The following EML4 variants were observed in gnomAD, a reference collection of about 807,000 sequenced individuals.
The protein encoded by EML4 is echinoderm microtubule-associated protein-like 4.
A neutral mutation model predicts 129.0 loss-of-function variants in EML4; 72 were observed. The observed-to-expected ratio is 0.56, with a 90% CI of 0.46 to 0.68. The LOEUF (loss-of-function observed/expected upper bound fraction) is 0.68. EML4 is among the 30% of genes least tolerant of loss of function. The pLI is 0.00. For missense variants in EML4, 1,363 were observed against 1,190.6 expected (o/e 1.14, Z -2.13); for synonymous variants, 532 against 405.0 (o/e 1.31, Z -3.77).
chr2:42,264,968 CA>C, intron 6 of EML4: 1 of 1,547,862 alleles, frequency 6.5e-7, no homozygotes, highest in Non-Finnish European at 8.7e-7. Flanking sequence ...ATAAGCTACG[CA>C]GTTGGTTGCC....
chr2:42,178,915 A>G (rs926229164), intron 1 of EML4, among the ~76,000 whole-genome samples: 1 of 152,218 alleles, frequency 6.6e-6, no homozygotes, highest in Non-Finnish European at 1.5e-5. Flanking sequence ...ATCCATTATA[A>G]TAAAGATTTG....
intron 1 of EML4, among the ~76,000 whole-genome samples, chr2:42,174,677 A>G (rs771663553): frequency 2.6e-5 from 4 of 152,188 alleles, no homozygotes; most frequent in Admixed American, 6.5e-5. Flanking sequence ...TGCATGCTGT[A>G]TATGATTTTT....
chr2:42,291,180 CAT>C (rs1350152406), intron 11 of EML4, among the ~76,000 whole-genome samples: 1 of 151,856 alleles, frequency 6.6e-6, no homozygotes, highest in Non-Finnish European at 1.5e-5. Flanking sequence ...ATTGGATACT[CAT>C]ATGAAAAAAA....
rs76587221 is a variant in EML4 at position 42,251,462 on chromosome 2, T to C, written c.209-5039T>C. Among the ~76,000 whole-genome samples the C allele has an allele frequency of 2.5e-3, 384 of 152,332 alleles. 2 individuals carry two copies. Among genetic ancestry groups the C allele is most frequent in the African/African-American group, 9.0e-3 (376 of 41,576 alleles). ...TTCTTTGTCACTTCCACTCAAAATA[T>C]ACTTTTAAGTAGTGGCCACAAGTTG... On this transcript the variant is annotated intron_variant, in intron 2 of 22. Coordinates refer to ENST00000318522, the MANE Select transcript of EML4 (RefSeq NM_019063.5).
chr2:42,317,381 T>C (rs1269009781), intron 18 of EML4, 46 bp from the exon 19 acceptor site: 2 of 1,188,150 alleles, frequency 1.7e-6, no homozygotes, highest in African/African-American at 1.5e-5. Context: ...AGTAAATAAA[T>C]TTATCAGTAT....
At chr2:42,299,729 G>C (rs1228395614) in intron 13 of EML4, among the ~76,000 whole-genome samples, 1 of 152,050 alleles carries the variant, frequency 6.6e-6, no homozygotes, top group African/African-American at 2.4e-5. Context: ...CACTCTTGTT[G>C]CCCAGGCTGG....
rs1240358593 is a variant in EML4 at position 42,330,149 on chromosome 2, A to C, written c.2888A>C (p.Lys963Thr). The change falls in exon 23 of 23, where the codon AAG (lysine) becomes ACG (threonine). Residue 963 changes from lysine (K) to threonine (T), a missense_variant. Lys to Thr is a moderately conservative substitution (Grantham distance 78, BLOSUM62 -1). Transcript: ENST00000318522. ...GAAGAGCCATGCAACGAGATAAGCA[A>C]GGAGCAGGCCAAAGCCACCCTTCTG... ...LYEEPCNEIS[K>T]EQAKATLLED... 1 of 1,612,040 alleles carries C rather than the reference A, an allele frequency of 6.2e-7. No homozygotes were observed. Among genetic ancestry groups the C allele is most frequent in the Non-Finnish European group, 8.5e-7 (1 of 1,179,696 alleles).
intron 17 of EML4, among the ~76,000 whole-genome samples, chr2:42,306,777 G>T (rs530245194): frequency 2.0e-5 from 3 of 151,894 alleles, no homozygotes; most frequent in Admixed American, 6.6e-5. Flanking sequence ...AGGATTACAG[G>T]TGTGAGCCAC....
intron 10 of EML4, among the ~76,000 whole-genome samples, chr2:42,287,327 C>T (rs76077737): frequency 0.012 from 1,773 of 152,260 alleles, 32 homozygotes; most frequent in African/African-American, 0.041. Context: ...AAAGGCAATA[C>T]TTTTGCTACT....
At chr2:42,282,423 C>G (rs933906167) in intron 7 of EML4, among the ~76,000 whole-genome samples, 4 of 152,034 alleles carry the variant, frequency 2.6e-5, no homozygotes, top group Non-Finnish European at 5.9e-5. Flanking sequence ...AACAGGGTCT[C>G]TGTGGCCCAG....
Position 42,304,558 on chromosome 2 carries a change from T to G in EML4, c.1967+7T>G, listed in dbSNP as rs764584855. On this transcript the variant is annotated splice_region_variant and intron_variant, in intron 17 of 22. Transcript: ENST00000318522. ...TAGGAACGCACTCAGGCAGGTAGGG[T>G]CTTTAAGTGAACTGAGTAATCTGAA... 6.2e-7 allele frequency: 1 copy of G among 1,610,124 alleles called. No individual in the cohort carries two copies. Among genetic ancestry groups the G allele is most frequent in the East Asian group, 2.2e-5 (1 of 44,856 alleles).
intron 3 of EML4, among the ~76,000 whole-genome samples, chr2:42,260,370 G>A (rs146493014): frequency 0.012 from 1,857 of 152,238 alleles, 35 homozygotes; most frequent in African/African-American, 0.042. Context: ...GTTTCACCAT[G>A]TTGCCTGGGC....
chr2:42,229,266 T>C (rs1015065714), intron 1 of EML4, among the ~76,000 whole-genome samples: 2 of 152,178 alleles, frequency 1.3e-5, no homozygotes, highest in African/African-American at 4.8e-5. Context: ...TATAACTTTA[T>C]ATGTCATCTA....
At chr2:42,286,111 T>G in intron 9 of EML4, 158 bp from the exon 10 acceptor site, 2 of 662,754 alleles carry the variant, frequency 3.0e-6, no homozygotes, top group Non-Finnish European at 5.6e-6. Context: ...TATAAGAAAA[T>G]ACCTACTTAA....
chr2:42,187,351 T>A (rs1396655777), intron 1 of EML4, among the ~76,000 whole-genome samples: 1 of 152,136 alleles, frequency 6.6e-6, no homozygotes, highest in East Asian at 1.9e-4. Flanking sequence ...TCCAGCGTAT[T>A]TTGTCTTTTC....
rs1024738650 is a variant in EML4, at chr2:42,231,311, A to C, written c.26-14194A>C. ...TTCTCTGCTGGATAACTTTGGCCCTATTCCTTTCTCACTCCAAGTCATCAA... is the reference window on the plus strand; with the variant it reads ...TTCTCTGCTGGATAACTTTGGCCCTCTTCCTTTCTCACTCCAAGTCATCAA... On this transcript the variant is annotated intron_variant, in intron 1 of 22. Transcript: ENST00000318522. Among the ~76,000 whole-genome samples, 7 of 152,130 alleles carry C rather than the reference A, an allele frequency of 4.6e-5. No individual in the cohort carries two copies. The South Asian group carries it at 1.4e-3, about 31-fold the overall frequency.
chr2:42,260,550 A>G (rs1558550364), intron 3 of EML4, among the ~76,000 whole-genome samples: 1 of 152,220 alleles, frequency 6.6e-6, no homozygotes, highest in Non-Finnish European at 1.5e-5. Context: ...TAGTCTTTCT[A>G]GAACATTAAA....
At chr2:42,268,036 A>G (rs1008987160) in intron 6 of EML4, among the ~76,000 whole-genome samples, 21 of 152,346 alleles carry the variant, frequency 1.4e-4, no homozygotes, top group Middle Eastern at 3.4e-3. Flanking sequence ...TATTGTGGAA[A>G]ATAGATAACA....
intron 1 of EML4, among the ~76,000 whole-genome samples, chr2:42,214,301 G>A (rs1395353719): frequency 1.3e-5 from 2 of 152,040 alleles, no homozygotes; most frequent in African/African-American, 2.4e-5. Context: ...TTTAAAAAAT[G>A]GACTGTTATT....
Sources: allele counts gnomAD v4.1 joint callset (sites outside exome capture counted in the v4.1 genomes callset), GRCh38; gene constraint gnomAD v4.1.1; transcripts MANE v1.5; gene names NCBI Gene and HGNC (gene_info 2026-07-23, HGNC 2026-07-21).